Variants in RASSF3 observed in about 807,000 individuals in gnomAD.
RASSF3 encodes Ras association domain family member 3, also known as ras association domain-containing protein 3.
A neutral mutation model predicts 19.9 loss-of-function variants in RASSF3; 19 were observed. The observed-to-expected ratio is 0.96, with a 90% CI of 0.67 to 1.40. The LOEUF (loss-of-function observed/expected upper bound fraction) is 1.40. Ranked by LOEUF, RASSF3 falls within the 40% of genes most tolerant of loss-of-function variation. RASSF3 has a pLI of 0.00. For missense variants in RASSF3, 306 were observed against 289.8 expected (o/e 1.06, Z -0.41); for synonymous variants, 110 against 104.2 (o/e 1.06, Z -0.34).
chr12:64,536,481 C>A (rs1037621980), intron 1 of RASSF3, among the ~76,000 whole-genome samples: 1 of 152,206 alleles, frequency 6.6e-6, no homozygotes, highest in African/African-American at 2.4e-5. Context: ...TACTGTTGAC[C>A]AGCACACAGC....
chr12:64,653,564 A>G (rs1872040473), intron 1 of RASSF3, among the ~76,000 whole-genome samples: 4 of 151,588 alleles, frequency 2.6e-5, no homozygotes, highest in South Asian at 4.1e-4. Flanking sequence ...AATATTCAGC[A>G]GTATCTTTTT....
chr12:64,629,667 A>G (rs763884207), intron 1 of RASSF3, among the ~76,000 whole-genome samples: 20 of 152,148 alleles, frequency 1.3e-4, no homozygotes, highest in Non-Finnish European at 2.1e-4. Flanking sequence ...AGTGTTGTAT[A>G]AAAATGGTTT....
intron 2 of RASSF3, among the ~76,000 whole-genome samples, chr12:64,581,890 C>T (rs1278121705): frequency 2.0e-5 from 3 of 149,186 alleles, no homozygotes; most frequent in Non-Finnish European, 4.4e-5. Context: ...TTTTTTGAGA[C>T]AAGATCTCAC....
chr12:64,676,327 T>C (rs1795614), intron 1 of RASSF3, among the ~76,000 whole-genome samples: 122,171 of 151,498 alleles, frequency 0.81, 49,583 homozygotes, highest in African/African-American at 0.88. Flanking sequence ...GCCACCACAC[T>C]GGGCTAATTT....
At chr12:64,517,582 GA>G in intron 1 of RASSF3, among the ~76,000 whole-genome samples, 1 of 151,652 alleles carries the variant, frequency 6.6e-6, no homozygotes, top group African/African-American at 2.4e-5. Flanking sequence ...CTTCCACACA[GA>G]AAAGTAGGTA....
chr12:64,520,557 T>TACAC (rs1474890262), intron 1 of RASSF3, among the ~76,000 whole-genome samples: 4 of 15,050 alleles, frequency 2.7e-4, no homozygotes, highest in South Asian at 2.3e-3. Context: ...CATACACACA[T>TACAC]ATATATATAT....
chr12:64,691,845 G>A (rs977443402), intron 4 of RASSF3, among the ~76,000 whole-genome samples: 1 of 150,262 alleles, frequency 6.7e-6, no homozygotes, highest in African/African-American at 2.4e-5. Flanking sequence ...AGAAAATAAA[G>A]TTTTTTTACT....
At chr12:64,518,007 A>G (rs528310007) in intron 1 of RASSF3, among the ~76,000 whole-genome samples, 23 of 152,252 alleles carry the variant, frequency 1.5e-4, no homozygotes, top group Non-Finnish European at 2.9e-4. Flanking sequence ...GGACAGGGAA[A>G]AATGGGGAAA....
chr12:64,621,490 T>G (rs1870761503), intron 1 of RASSF3, among the ~76,000 whole-genome samples: 2 of 152,252 alleles, frequency 1.3e-5, no homozygotes, highest in Non-Finnish European at 2.9e-5. Context: ...GGCTTTCATT[T>G]TTTTAAGATG....
intron 2 of RASSF3, among the ~76,000 whole-genome samples, chr12:64,600,495 T>A (rs1248204932): frequency 2.0e-5 from 3 of 152,188 alleles, no homozygotes; most frequent in Non-Finnish European, 4.4e-5. Context: ...CCTAATTAAT[T>A]TTTAGTTTCA....
chr12:64,649,030 A>G (rs1257628648), intron 1 of RASSF3, among the ~76,000 whole-genome samples: 1 of 151,614 alleles, frequency 6.6e-6, no homozygotes, highest in Non-Finnish European at 1.5e-5. Context: ...GCTGGTCTCA[A>G]ACTCATGGCC....
At chr12:64,600,616 A>G (rs745315818) in intron 2 of RASSF3, among the ~76,000 whole-genome samples, 3 of 152,152 alleles carry the variant, frequency 2.0e-5, no homozygotes, top group Non-Finnish European at 4.4e-5. Flanking sequence ...CACTGCTTCC[A>G]TTCACCATAT....
intron 1 of RASSF3, among the ~76,000 whole-genome samples, chr12:64,618,454 G>A (rs1870627296): frequency 6.6e-6 from 1 of 152,102 alleles, no homozygotes; most frequent in African/African-American, 2.4e-5. Flanking sequence ...AGCCTCCCAA[G>A]TAGCTGGGAT....
At chr12:64,631,373 G>A (rs1009535260) in intron 1 of RASSF3, among the ~76,000 whole-genome samples, 9 of 152,216 alleles carry the variant, frequency 5.9e-5, no homozygotes, top group Non-Finnish European at 1.0e-4. Flanking sequence ...AACTGGAGGC[G>A]TACAGTCACA....
chr12:64,578,405 G>T (rs888563392), intron 2 of RASSF3, among the ~76,000 whole-genome samples: 23 of 152,152 alleles, frequency 1.5e-4, no homozygotes, highest in African/African-American at 1.2e-4. Flanking sequence ...TGTAATCCTA[G>T]TGCTTTGGAA....
chr12:64,683,276 GA>G (rs1873205198), intron 1 of RASSF3, among the ~76,000 whole-genome samples: 1 of 152,148 alleles, frequency 6.6e-6, no homozygotes, highest in Non-Finnish European at 1.5e-5. Context: ...GTTGTTGGGA[GA>G]AGTAAAGGCA....
intron 2 of RASSF3, among the ~76,000 whole-genome samples, chr12:64,595,287 C>T (rs1869982225): frequency 1.3e-5 from 2 of 151,904 alleles, no homozygotes; most frequent in South Asian, 2.1e-4. Flanking sequence ...AGGCTGGTCT[C>T]GAAGTCCTGA....
chr12:64,531,080 A>G (rs1287852556), upstream of RASSF3, among the ~76,000 whole-genome samples: 3 of 152,024 alleles, frequency 2.0e-5, no homozygotes, highest in African/African-American at 7.2e-5. Context: ...TTCTTCTATG[A>G]ATTGTGCTTT....
In RASSF3 at chr12:64,633,787, G is replaced by A. The variant is rs537720163; in HGVS notation, c.111+23044G>A. On this transcript the variant is annotated intron_variant, in intron 1 of 4. Transcript: ENST00000542104. ...TGGAGGGGTCAGAAGAAGACAGGAA[G>A]ACAAGGGAAAGTTTTGGAACTTCTT... Among the ~76,000 whole-genome samples, 3 of 152,260 alleles carry A rather than the reference G, an allele frequency of 2.0e-5. No individual in the cohort carries two copies. The South Asian group carries it at 6.2e-4, about 32-fold the overall frequency.
Sources: allele counts gnomAD v4.1 joint callset (sites outside exome capture counted in the v4.1 genomes callset), GRCh38; gene constraint gnomAD v4.1.1; transcripts MANE v1.5; gene names NCBI Gene and HGNC (gene_info 2026-07-23, HGNC 2026-07-21).